SNX6: variants seen among roughly 807,000 people sequenced by gnomAD.
The protein encoded by SNX6 is sorting nexin 6.
SNX6 carries 34 observed loss-of-function variants against 63.0 expected under a neutral mutation model. The ratio of observed to expected loss-of-function variants is 0.54; its 90% confidence interval spans 0.41 to 0.72. SNX6 has a LOEUF of 0.72. SNX6 is among the 30% of genes least tolerant of loss of function. The pLI, the probability that SNX6 is intolerant of heterozygous loss-of-function variation, is 0.00. For synonymous variants in SNX6, 170 were observed against 164.2 expected, an observed-to-expected ratio of 1.04 and a Z score of -0.27; for missense variants, 398 against 471.4, an observed-to-expected ratio of 0.84 and a Z score of 1.44.
At chr14:34,602,284 G>A (rs962078501) in intron 6 of SNX6, among the ~76,000 whole-genome samples, 1 of 152,018 alleles carries the variant, frequency 6.6e-6, no homozygotes, top group Non-Finnish European at 1.5e-5. Context: ...AAATTATCTT[G>A]GCATGGTGGC....
At chr14:34,590,978 C>A (rs1453780391) in intron 8 of SNX6, among the ~76,000 whole-genome samples, 1 of 152,070 alleles carries the variant, frequency 6.6e-6, no homozygotes, top group East Asian at 1.9e-4. Flanking sequence ...ATAAAGAATA[C>A]ATACTGTATG....
chr14:34,570,407 G>A (rs546855034), intron 11 of SNX6, among the ~76,000 whole-genome samples: 2 of 149,486 alleles, frequency 1.3e-5, no homozygotes, highest in Non-Finnish European at 3.0e-5. Flanking sequence ...CACCTTGTGG[G>A]TATAAAGTGA....
chr14:34,618,791 C>T (rs1191230536), intron 2 of SNX6, among the ~76,000 whole-genome samples: 2 of 152,152 alleles, frequency 1.3e-5, no homozygotes, highest in Non-Finnish European at 2.9e-5. Context: ...CTCAGGAAGG[C>T]CTTTCCTAGC....
intron 2 of SNX6, among the ~76,000 whole-genome samples, chr14:34,613,086 A>G (rs1883293534): frequency 6.6e-6 from 1 of 151,816 alleles, no homozygotes; most frequent in South Asian, 2.1e-4. Context: ...ACACTCCAAT[A>G]ACTAATGAGA....
chr14:34,599,197 C>G lies in SNX6; in HGVS notation c.517-1552G>C, dbSNP rs536751198. 2.0e-5 allele frequency among the ~76,000 whole-genome samples: 3 copies of G among 152,286 alleles called. No individual in the cohort carries two copies. The South Asian group carries it at 6.2e-4, about 32-fold the overall frequency. ...GCAGCCAAACAGACTAGAATACTAC[C>G]CATAAGCTCTTTCCTTAACTTTATA... is the stretch of plus-strand genomic sequence containing the variant. On this transcript the variant is annotated intron_variant, in intron 6 of 13. Coordinates refer to ENST00000362031, the MANE Select transcript of SNX6 (RefSeq NM_152233.4).
intron 11 of SNX6, among the ~76,000 whole-genome samples, chr14:34,572,953 A>G (rs922729707): frequency 6.6e-5 from 10 of 151,980 alleles, no homozygotes; most frequent in African/African-American, 2.4e-4. Context: ...AAGTGCTGGG[A>G]TTACAGGTGT....
At chr14:34,629,708 C>T (rs1883966170) in intron 2 of SNX6, 199 bp downstream of exon 2, 4 of 880,486 alleles carry the variant, frequency 4.5e-6, no homozygotes, top group East Asian at 2.7e-5. Context: ...GGCCGCGGGT[C>T]CCCGGGAATC....
chr14:34,568,075 C>T (rs1881270899), intron 11 of SNX6, 62 bp from the exon 12 acceptor site: 3 of 1,392,932 alleles, frequency 2.2e-6, no homozygotes, highest in Admixed American at 3.9e-5. Flanking sequence ...TCACACCCAG[C>T]CACCACTGTC....
At chr14:34,574,745 T>C (rs922031614) in intron 11 of SNX6, among the ~76,000 whole-genome samples, 2 of 151,138 alleles carry the variant, frequency 1.3e-5, no homozygotes, top group African/African-American at 4.9e-5. Context: ...TAAGACGGAG[T>C]TGGGGTTTCT....
At chr14:34,617,025 T>G (rs890377847) in intron 2 of SNX6, among the ~76,000 whole-genome samples, 1 of 152,008 alleles carries the variant, frequency 6.6e-6, no homozygotes, top group Non-Finnish European at 1.5e-5. Flanking sequence ...GAGGCTGCAG[T>G]GAGCCGAGAT....
chr14:34,564,785 C>CCA (rs1881095905), intron 13 of SNX6, among the ~76,000 whole-genome samples: 1 of 150,744 alleles, frequency 6.6e-6, no homozygotes, highest in South Asian at 2.1e-4. Flanking sequence ...TGAGATCACG[C>CCA]CACTGCACTC....
At chr14:34,607,601 A>C (rs569509273) in intron 4 of SNX6, among the ~76,000 whole-genome samples, 1 of 151,306 alleles carries the variant, frequency 6.6e-6, no homozygotes, top group East Asian at 2.0e-4. Flanking sequence ...CACAAGTGAG[A>C]CTCTGTCTCT....
At chr14:34,579,315 A>G (rs573040913) in intron 10 of SNX6, among the ~76,000 whole-genome samples, 1 of 152,264 alleles carries the variant, frequency 6.6e-6, no homozygotes, top group Admixed American at 6.6e-5. Flanking sequence ...ATAAAATACT[A>G]TACCGCAAGA....
intron 9 of SNX6, 98 bp downstream of exon 9, chr14:34,586,132 A>G: frequency 1.6e-6 from 1 of 608,694 alleles, no homozygotes; most frequent in Non-Finnish European, 2.9e-6. Flanking sequence ...TGAACTCCTG[A>G]CCTCTTAATC....
chr14:34,622,789 G>A (rs960664280), intron 2 of SNX6, among the ~76,000 whole-genome samples: 1 of 152,232 alleles, frequency 6.6e-6, no homozygotes, highest in Non-Finnish European at 1.5e-5. Flanking sequence ...GAGCTAGATT[G>A]CCTATTTGAC....
At chr14:34,576,065 A>G (rs1276545384) in intron 10 of SNX6, among the ~76,000 whole-genome samples, 1 of 151,306 alleles carries the variant, frequency 6.6e-6, no homozygotes, top group African/African-American at 2.4e-5. Flanking sequence ...CTGGGACTAC[A>G]GGCGCCCGCC....
intron 2 of SNX6, among the ~76,000 whole-genome samples, chr14:34,624,473 A>C (rs534178052): frequency 6.6e-6 from 1 of 152,280 alleles, no homozygotes; most frequent in South Asian, 2.1e-4. Flanking sequence ...ACAGCTGCTT[A>C]AAGATTTATT....
chr14:34,586,187 C>A, intron 9 of SNX6, 43 bp downstream of exon 9: 1 of 1,332,212 alleles, frequency 7.5e-7, no homozygotes, highest in South Asian at 1.2e-5. Context: ...AGGCGTGAGC[C>A]ACCGCGCCCA....
At chr14:34,566,954 G>T (rs1722832388) in intron 13 of SNX6, among the ~76,000 whole-genome samples, 1 of 152,134 alleles carries the variant, frequency 6.6e-6, no homozygotes, top group Non-Finnish European at 1.5e-5. Flanking sequence ...CGGGCATGGT[G>T]GCTGATGCCT....
Sources: allele counts gnomAD v4.1 joint callset (sites outside exome capture counted in the v4.1 genomes callset), GRCh38; gene constraint gnomAD v4.1.1; transcripts MANE v1.5; gene names NCBI Gene and HGNC (gene_info 2026-07-23, HGNC 2026-07-21).